Variants in TMEM178B observed in about 807,000 individuals in gnomAD.
TMEM178B encodes transmembrane protein 178B.
TMEM178B carries 5 observed loss-of-function variants against 31.0 expected under a neutral mutation model. That is an observed-to-expected ratio of 0.16 (90% CI 0.08 to 0.34). The LOEUF is 0.34. TMEM178B is among the 10% of genes least tolerant of loss of function. The probability of loss-of-function intolerance (pLI) is 1.00; values close to 1 mark genes in which losing one functional copy is unlikely to be tolerated. For synonymous variants in TMEM178B, 164 were observed against 164.0 expected, an observed-to-expected ratio of 1.00 and a Z score of 0.00; for missense variants, 275 against 400.3, an observed-to-expected ratio of 0.69 and a Z score of 2.67.
chr7:141,279,819 C>T (rs1442055133), intron 2 of TMEM178B, among the ~76,000 whole-genome samples: 1 of 152,232 alleles, frequency 6.6e-6, no homozygotes, highest in African/African-American at 2.4e-5. Context: ...TTTCTGTAGC[C>T]ATCGGTGGAT....
chr7:141,202,812 A>G (rs1214374625), intron 1 of TMEM178B, among the ~76,000 whole-genome samples: 8 of 151,958 alleles, frequency 5.3e-5, no homozygotes, highest in Non-Finnish European at 1.2e-4. Context: ...AGCTCCTGTC[A>G]ACATTGCCGG....
chr7:141,338,020 G>A (rs761014421), intron 2 of TMEM178B, among the ~76,000 whole-genome samples: 1 of 152,150 alleles, frequency 6.6e-6, no homozygotes, highest in Admixed American at 6.5e-5. Flanking sequence ...TGTATTTTTA[G>A]TAGAGATGGG....
chr7:141,486,851 G>A, the TMEM178B span, among the ~76,000 whole-genome samples: 12 of 152,198 alleles, frequency 7.9e-5, no homozygotes, highest in South Asian at 2.1e-4. Context: ...AGTCAATATC[G>A]TAATACGTTA....
intron 2 of TMEM178B, among the ~76,000 whole-genome samples, chr7:141,267,637 G>A (rs1394609722): frequency 6.6e-6 from 1 of 152,236 alleles, no homozygotes; most frequent in African/African-American, 2.4e-5. Flanking sequence ...TGCAGGAGTG[G>A]CTACCAAGCC....
intron 2 of TMEM178B, among the ~76,000 whole-genome samples, chr7:141,240,759 T>C (rs914475704): frequency 2.0e-5 from 3 of 152,274 alleles, no homozygotes; most frequent in African/African-American, 7.2e-5. Flanking sequence ...ATGAAGCCAA[T>C]TGCTTTCTCA....
intron 2 of TMEM178B, among the ~76,000 whole-genome samples, chr7:141,330,456 C>T (rs1344161801): frequency 6.6e-6 from 1 of 152,218 alleles, no homozygotes; most frequent in Non-Finnish European, 1.5e-5. Flanking sequence ...GACATGATCT[C>T]ATTCCTTTTT....
In TMEM178B at chr7:141,208,140, C is replaced by T. The variant is rs189903700; in HGVS notation, c.383-4451C>T. Among the ~76,000 whole-genome samples, 181 of 152,132 alleles carry T rather than the reference C, an allele frequency of 1.2e-3. 2 individuals carry two copies. Among genetic ancestry groups the T allele is most frequent in the Admixed American group, 0.01 (160 of 15,300 alleles). On this transcript the variant is annotated intron_variant, in intron 1 of 3. Transcript: ENST00000565468. Reference sequence around the variant, plus strand: ...CCCAGGAGTTCCAGGCTGTAGTAAGCGATGATTACGCCACTGCATGCCAGC... The same window carrying T: ...CCCAGGAGTTCCAGGCTGTAGTAAGTGATGATTACGCCACTGCATGCCAGC...
the TMEM178B span, among the ~76,000 whole-genome samples, chr7:141,496,774 A>C: frequency 3.8e-5 from 4 of 105,624 alleles, no homozygotes; most frequent in East Asian, 7.8e-4. Flanking sequence ...GAATTACTGC[A>C]AAAAAAATGG....
At chr7:141,377,412 A>C (rs1226465355) in intron 2 of TMEM178B, among the ~76,000 whole-genome samples, 1 of 151,810 alleles carries the variant, frequency 6.6e-6, no homozygotes, top group East Asian at 2.0e-4. Context: ...TGAACTCCTG[A>C]TGTCAGGTGA....
chr7:141,144,936 A>G (rs529717063), intron 1 of TMEM178B, among the ~76,000 whole-genome samples: 1 of 151,924 alleles, frequency 6.6e-6, no homozygotes. Context: ...GGTGGGGAGG[A>G]TGGTCATGTC....
intron 2 of TMEM178B, among the ~76,000 whole-genome samples, chr7:141,217,761 C>T (rs951757862): frequency 3.9e-5 from 6 of 152,030 alleles, no homozygotes; most frequent in African/African-American, 9.7e-5. Flanking sequence ...ATCCCTGAGA[C>T]GCGGACTCAC....
chr7:141,410,725 C>T (rs992609310), intron 2 of TMEM178B, among the ~76,000 whole-genome samples: 1 of 152,052 alleles, frequency 6.6e-6, no homozygotes, highest in Non-Finnish European at 1.5e-5. Flanking sequence ...TTTTTTGGCA[C>T]AAACTCTGAA....
At chr7:141,362,244 C>T (rs1213552604) in intron 2 of TMEM178B, among the ~76,000 whole-genome samples, 1 of 152,226 alleles carries the variant, frequency 6.6e-6, no homozygotes, top group East Asian at 1.9e-4. Context: ...GCAGTAGGCC[C>T]TTTACTTTGT....
intron 1 of TMEM178B, among the ~76,000 whole-genome samples, chr7:141,151,544 C>G (rs1286138194): frequency 1.3e-5 from 2 of 152,076 alleles, no homozygotes; most frequent in Admixed American, 1.3e-4. Context: ...AGGATGGGCT[C>G]GGTGGATCCT....
At chr7:141,510,685 CAAAAAAAAAAAAAAAAAA>C in the TMEM178B span, among the ~76,000 whole-genome samples, 1 of 24,956 alleles carries the variant, frequency 4.0e-5, no homozygotes, top group Non-Finnish European at 6.7e-5. Context: ...AACTCCGTCT[CAAAAAAAAAAAAAAAAAA>C]AAAAAAAAAG....
At chr7:141,212,488 A>G (rs1563119106) in intron 1 of TMEM178B, 103 bp from the exon 2 acceptor site, 1 of 926,998 alleles carries the variant, frequency 1.1e-6, no homozygotes, top group Non-Finnish European at 1.7e-6. Flanking sequence ...CAGGCCCAAT[A>G]TGAAAGAAGT....
intron 1 of TMEM178B, among the ~76,000 whole-genome samples, chr7:141,187,642 T>C (rs538055618): frequency 5.0e-4 from 76 of 152,352 alleles, no homozygotes; most frequent in African/African-American, 1.8e-3. Context: ...TTCTAACTGG[T>C]GTGAGATGGT....
At chr7:141,101,907 A>ATGTGTGTGTGTGTGTG (rs1795064734) in intron 1 of TMEM178B, among the ~76,000 whole-genome samples, 4 of 124,414 alleles carry the variant, frequency 3.2e-5, no homozygotes, top group Non-Finnish European at 5.1e-5. Flanking sequence ...GTGTGTGTTA[A>ATGTGTGTGTGTGTGTG]CGTGTGTGTG....
chr7:141,163,210 C>T (rs1379756616), intron 1 of TMEM178B, among the ~76,000 whole-genome samples: 2 of 152,170 alleles, frequency 1.3e-5, no homozygotes, highest in East Asian at 1.9e-4. Context: ...ACTTATCCCC[C>T]TACCAGAACC....
Sources: allele counts gnomAD v4.1 joint callset (sites outside exome capture counted in the v4.1 genomes callset), GRCh38; gene constraint gnomAD v4.1.1; transcripts MANE v1.5; gene names NCBI Gene and HGNC (gene_info 2026-07-23, HGNC 2026-07-21).